Variants in KCTD19 observed in about 807,000 individuals in gnomAD.
KCTD19 encodes potassium channel tetramerization domain containing 19.
A neutral mutation model predicts 103.5 loss-of-function variants in KCTD19; 67 were observed. That is an observed-to-expected ratio of 0.65 (90% CI 0.53 to 0.79). The LOEUF is 0.79. Among genes scored for constraint, KCTD19 ranks in the 30% least tolerant of loss-of-function variants. The pLI is 0.00. For synonymous variants in KCTD19, 439 were observed against 452.2 expected (o/e 0.97, Z 0.37); for missense variants, 980 against 1,136.1 (o/e 0.86, Z 1.98).
In KCTD19 at chr16:67,320,190, G is replaced by A. The variant is rs969928244; in HGVS notation, c.300+399C>T. Among the ~76,000 whole-genome samples the A allele has an allele frequency of 6.6e-6, 1 of 152,092 alleles. No homozygotes were observed. Among genetic ancestry groups the A allele is most frequent in the African/African-American group, 2.4e-5 (1 of 41,416 alleles). On this transcript the variant is annotated intron_variant, in intron 2 of 15. Coordinates refer to ENST00000304372, the MANE Select transcript of KCTD19 (RefSeq NM_001100915.3). This position sits in a 1 kb window ranked among gnomAD's most constrained non-coding sequence, Gnocchi z 4.0. ...CTTAGGGAGGCCAATTAGAGAGGAC[G>A]ACTTGAGCCCAGGAGTTCAAGACCA... is the stretch of plus-strand genomic sequence containing the variant.
At position 67,294,651 on chromosome 16, in the gene KCTD19, A is replaced by C. The variant is rs2142502900; in HGVS notation, c.1519T>G (p.Ser507Ala). The C allele has an allele frequency of 6.2e-7, 1 of 1,614,148 alleles. No individual in the cohort carries two copies. The highest frequency in any genetic ancestry group is 1.3e-5 in the African/African-American group (1 of 75,056). Residue 507 changes from serine to alanine, a missense_variant, in exon 11 of 16, where the codon TCC becomes GCC. Physicochemically the swap from Ser to Ala is moderately conservative, Grantham distance 99 (BLOSUM62 1). Transcript: ENST00000304372. Reference protein sequence around the residue: ...EKESENEEAFSIRRLHVVTEG... With the variant: ...EKESENEEAFAIRRLHVVTEG... Reference sequence around the variant, plus strand: ...GTCACCACATGCAGCCTCCTGATGGAAAAAGCTTCTTCATTTTCAGATTCT... The same window carrying C: ...GTCACCACATGCAGCCTCCTGATGGCAAAAGCTTCTTCATTTTCAGATTCT...
chr16:67,306,320 CA>C (rs2036892495), intron 2 of KCTD19, among the ~76,000 whole-genome samples: 2 of 152,208 alleles, frequency 1.3e-5, no homozygotes, highest in Admixed American at 1.3e-4. Context: ...GGCTGGAGTG[CA>C]GTGGTGCAAT....
At chr16:67,308,071 A>G (rs926364929) in intron 2 of KCTD19, among the ~76,000 whole-genome samples, 1 of 151,952 alleles carries the variant, frequency 6.6e-6, no homozygotes, top group African/African-American at 2.4e-5. Flanking sequence ...ATGAAATAGT[A>G]TGTTAATTTC....
Position 67,304,488 on chromosome 16 carries a change from G to A in KCTD19, c.384C>T (p.Asn128=). 1.2e-6 allele frequency: 2 copies of A among 1,613,994 alleles called. No homozygotes were observed. Among genetic ancestry groups the A allele is most frequent in the Admixed American group, 1.7e-5 (1 of 60,018 alleles). The part of the protein sequence containing the change: ...DLPVAERASL[N]YWRTWKCISK... ...TAATACACTTCCATGTACGCCAGTA[G>A]TTCAGAGATGCTCTCTCAGCAACAG... The change falls in exon 3 of 16, where the codon AAC becomes AAT. Residue 128 remains asparagine (N), a synonymous_variant. Transcript: ENST00000304372.
intron 2 of KCTD19, among the ~76,000 whole-genome samples, chr16:67,305,145 A>G (rs1415308664): frequency 6.6e-6 from 1 of 152,226 alleles, no homozygotes; most frequent in Non-Finnish European, 1.5e-5. Flanking sequence ...CACAATCTAA[A>G]GAGTAATTTC....
In KCTD19 at chr16:67,289,491, G is replaced by T; in HGVS notation, c.*78C>A. On this transcript the variant is annotated 3_prime_UTR_variant, in exon 16 of 16. Coordinates refer to ENST00000304372, the MANE Select transcript of KCTD19 (RefSeq NM_001100915.3). ...ATAGACTGATATGTACCCTCTGATGGGCACATGCATTCTGGGCTATCTCCA... is the reference window on the plus strand; with the variant it reads ...ATAGACTGATATGTACCCTCTGATGTGCACATGCATTCTGGGCTATCTCCA... 1 of 805,806 alleles carries T rather than the reference G, an allele frequency of 1.2e-6. No individual in the cohort carries two copies. The highest frequency in any genetic ancestry group is 2.2e-6 in the Non-Finnish European group (1 of 459,024). 49.9% of individuals were successfully genotyped at this position (805,806 alleles called of 1,614,324 possible).
chr16:67,311,611 C>A (rs2036950117), intron 2 of KCTD19, among the ~76,000 whole-genome samples: 1 of 151,948 alleles, frequency 6.6e-6, no homozygotes, highest in Admixed American at 6.6e-5. Flanking sequence ...AAGGCCAAAT[C>A]TTAAAAGGGG....
chr16:67,296,687 G>A (rs1386929991), intron 7 of KCTD19, among the ~76,000 whole-genome samples: 1 of 152,194 alleles, frequency 6.6e-6, no homozygotes, highest in Non-Finnish European at 1.5e-5. Context: ...TCACTTTTAT[G>A]AGACTAAGCC....
intron 4 of KCTD19, chr16:67,302,195 A>G (rs1420096069): frequency 2.8e-6 from 1 of 357,822 alleles, no homozygotes; most frequent in Non-Finnish European, 5.2e-6. Context: ...TGGTGGGCAC[A>G]CTGGCCCTGA....
intron 2 of KCTD19, among the ~76,000 whole-genome samples, chr16:67,306,518 G>A (rs536650560): frequency 1.3e-5 from 2 of 152,206 alleles, no homozygotes; most frequent in African/African-American, 4.8e-5. Context: ...CACCAGCCTC[G>A]GCTGGTGCTG....
rs570245355 is a variant in KCTD19 at position 67,303,695 on chromosome 16, G to A, written c.452-358C>T. On this transcript the variant is annotated intron_variant, in intron 3 of 15. Transcript: ENST00000304372. The surrounding 1 kb of genome is among the most constrained non-coding windows in gnomAD (Gnocchi z 4.3). ...CCCAAGTAGCTGGGACTACAGGCAC[G>A]TGCCACCACACCCAGCTAATTTTTG... Among the ~76,000 whole-genome samples the A allele has an allele frequency of 1.3e-3, 201 of 152,172 alleles. No individual in the cohort carries two copies. The highest frequency in any genetic ancestry group is 2.4e-3 in the Non-Finnish European group (162 of 68,006).
rs373585879 is a variant in KCTD19 at position 67,293,836 on chromosome 16, C to T, written c.1926G>A (p.Trp642Ter). The T allele has an allele frequency of 9.3e-6, 15 of 1,613,794 alleles. No homozygotes were observed. Among genetic ancestry groups the T allele is most frequent in the Non-Finnish European group, 1.2e-5 (14 of 1,180,026 alleles). Residue 642 changes from tryptophan (W) to a stop codon, truncating the protein, a stop_gained, in exon 12 of 16, where the codon TGG becomes TGA. Coordinates refer to ENST00000304372, the MANE Select transcript of KCTD19 (RefSeq NM_001100915.3). LOFTEE classifies it high-confidence loss of function. The surrounding 1 kb of genome is among the most constrained non-coding windows in gnomAD (Gnocchi z 4.0). ...MQKLISLVRE[W>*]DMVNCKQWEF... ...CCCACTGTTTGCAATTGACCATGTCCCATTCTCTCACCAGGGAGATGAGTT... is the reference window on the plus strand; with the variant it reads ...CCCACTGTTTGCAATTGACCATGTCTCATTCTCTCACCAGGGAGATGAGTT...
Position 67,294,972 on chromosome 16 carries a change from C to T in KCTD19, c.1475+1G>A, listed in dbSNP as rs1330981137. On this transcript the variant is annotated splice_donor_variant, in intron 10 of 15. Coordinates refer to ENST00000304372, the MANE Select transcript of KCTD19 (RefSeq NM_001100915.3). LOFTEE classifies it high-confidence loss of function. Reference sequence around the variant, plus strand: ...ATAGAGTCGTGATAAAGTTTTCTTACTTGTATGCTTCACATTGTGCAAGGG... The same window carrying T: ...ATAGAGTCGTGATAAAGTTTTCTTATTTGTATGCTTCACATTGTGCAAGGG... 5 of 1,608,396 alleles carry T rather than the reference C, an allele frequency of 3.1e-6. No homozygotes were observed. Among genetic ancestry groups the T allele is most frequent in the African/African-American group, 1.3e-5 (1 of 74,794 alleles).
In KCTD19 at chr16:67,303,104, CTA is replaced by C; in HGVS notation, c.643+40_643+41del. The C allele has an allele frequency of 2.4e-6, 2 of 849,926 alleles. No individual in the cohort carries two copies. The highest frequency in any genetic ancestry group is 1.9e-6 in the Non-Finnish European group (1 of 521,098). The allele number at this position is 849,926 out of a possible 1,614,324, so 52.6% of individuals were successfully genotyped here. The stretch of plus-strand genomic sequence containing the variant: ...TGTGATGGGGAGGGGTGAATGGGCC[CTA>C]TCAGCCCGCCCCCCACCCCACCCCG... On this transcript the variant is annotated intron_variant, in intron 4 of 15. Coordinates refer to ENST00000304372, the MANE Select transcript of KCTD19 (RefSeq NM_001100915.3). The surrounding 1 kb of genome is among the most constrained non-coding windows in gnomAD (Gnocchi z 4.3).
chr16:67,296,490 C>T (rs2036766795), intron 7 of KCTD19, among the ~76,000 whole-genome samples: 1 of 152,188 alleles, frequency 6.6e-6, no homozygotes, highest in African/African-American at 2.4e-5. Flanking sequence ...TGACCCTCCT[C>T]CCTCAGGAAA....
intron 5 of KCTD19, chr16:67,301,290 G>T: frequency 6.5e-6 from 1 of 154,890 alleles, no homozygotes; most frequent in Non-Finnish European, 1.4e-5. Context: ...GCAGAAACAG[G>T]CACAGCAGCC....
In KCTD19 at chr16:67,303,099, G is replaced by A. The variant is rs1418942271; in HGVS notation, c.643+47C>T. On this transcript the variant is annotated intron_variant, in intron 4 of 15. Transcript: ENST00000304372. This position sits in a 1 kb window ranked among gnomAD's most constrained non-coding sequence, Gnocchi z 4.3. ...GGACATGTGATGGGGAGGGGTGAATGGGCCCTATCAGCCCGCCCCCCACCC... is the reference window on the plus strand; with the variant it reads ...GGACATGTGATGGGGAGGGGTGAATAGGCCCTATCAGCCCGCCCCCCACCC... 1 of 915,210 alleles carries A rather than the reference G, an allele frequency of 1.1e-6. No individual in the cohort carries two copies. Among genetic ancestry groups the A allele is most frequent in the Admixed American group, 1.8e-5 (1 of 56,440 alleles). 56.7% of individuals were successfully genotyped at this position (915,210 alleles called of 1,614,324 possible).
At chr16:67,292,245 A>G (rs2036707701) in intron 12 of KCTD19, among the ~76,000 whole-genome samples, 1 of 152,188 alleles carries the variant, frequency 6.6e-6, no homozygotes, top group Admixed American at 6.5e-5. Flanking sequence ...CCAAGCAGGA[A>G]GGGGACCTCT....
intron 1 of KCTD19, chr16:67,325,777 A>G (rs2037150781): frequency 6.6e-6 from 1 of 152,286 alleles, no homozygotes; most frequent in Non-Finnish European, 1.5e-5. Flanking sequence ...CTTGAAAGAC[A>G]AAAGGCTTCT....
Sources: gnomAD v4.1 joint callset for allele counts (sites outside exome capture counted in the v4.1 genomes callset) on GRCh38, gnomAD v4.1.1 for gene constraint, Gnocchi (gnomAD v3.1) non-coding constraint, MANE v1.5 for transcripts, NCBI Gene and HGNC (gene_info 2026-07-23, HGNC 2026-07-21) for gene names.